The following GNB1 variants were observed in gnomAD, a reference collection of about 807,000 sequenced individuals.
GNB1 encodes the protein G protein subunit beta 1, also known as guanine nucleotide-binding protein G(I)/G(S)/G(T) subunit beta-1.
In GNB1, 2 loss-of-function variants were observed where a neutral mutation model predicts 42.9. The ratio of observed to expected loss-of-function variants is 0.05; its 90% CI spans 0.02 to 0.15. The LOEUF is 0.15. Among genes scored for constraint, GNB1 ranks in the 10% least tolerant of loss-of-function variants. The pLI, the probability that GNB1 is intolerant of heterozygous loss-of-function variation, is 1.00. For synonymous variants in GNB1, 183 were observed against 174.7 expected, an observed-to-expected ratio of 1.05 and a Z score of -0.38; for missense variants, 193 against 462.2, an observed-to-expected ratio of 0.42 and a Z score of 5.34.
chr1:1,804,481 A>G lies in GNB1; in HGVS notation c.368T>C (p.Ile123Thr). Residue 123 changes from isoleucine to threonine, a missense_variant, in exon 7 of 12, where the codon ATT becomes ACT. Ile to Thr is a moderately conservative substitution (Grantham distance 89, BLOSUM62 -1). Coordinates refer to ENST00000378609, the MANE Select transcript of GNB1 (RefSeq NM_002074.5). The stretch of plus-strand genomic sequence containing the variant: ...CCCCTCACGAGTTTTCAGATTGTAA[A>G]TGGAGCAAATGTTATCCAGGCCACC... ...ACGGLDNICS[I>T]YNLKTREGNV... 6.2e-7 allele frequency: 1 copy of G among 1,613,842 alleles called. No homozygotes were observed. Among genetic ancestry groups the G allele is most frequent in the Non-Finnish European group, 8.5e-7 (1 of 1,179,758 alleles).
intron 2 of GNB1, among the ~76,000 whole-genome samples, chr1:1,829,007 T>C (rs1647038710): frequency 6.6e-6 from 1 of 152,154 alleles, no homozygotes; most frequent in South Asian, 2.1e-4. Flanking sequence ...GGCATTTCAA[T>C]TTTTTTAAAA....
rs567600140 is a variant in GNB1, at chr1:1,886,930, G to C, written c.-96+3890C>G. Among the ~76,000 whole-genome samples the C allele has an allele frequency of 4.6e-5, 7 of 152,188 alleles. No individual in the cohort carries two copies. In the East Asian group the frequency reaches 9.7e-4, roughly 21 times the overall value. ...GGGTTTCACCGTGTTAGCCAGGGTG[G>C]TCTCGATCTCCTGACCTCATGATCC... On this transcript the variant is annotated intron_variant, in intron 1 of 11. Transcript: ENST00000378609.
chr1:1,881,693 C>T (rs1570758541), intron 1 of GNB1, among the ~76,000 whole-genome samples: 1 of 152,324 alleles, frequency 6.6e-6, no homozygotes, highest in African/African-American at 2.4e-5. Context: ...AGCCACTGTG[C>T]CCGGCCTCAA....
At chr1:1,797,868 A>C (rs1646567792) in intron 7 of GNB1, among the ~76,000 whole-genome samples, 2 of 152,336 alleles carry the variant, frequency 1.3e-5, no homozygotes, top group South Asian at 4.2e-4. Context: ...ACACACTGAA[A>C]GGCAGGCGGG....
chr1:1,822,440 C>G (rs1415985703), intron 3 of GNB1, among the ~76,000 whole-genome samples: 1 of 151,416 alleles, frequency 6.6e-6, no homozygotes. Context: ...GTAGTTGGGA[C>G]TACAGGCGCC....
rs773438465 is a variant in GNB1, at chr1:1,790,610, G to A, written c.498-14C>T. The A allele has an allele frequency of 2.1e-5, 33 of 1,591,800 alleles. No homozygotes were observed. The highest frequency in any genetic ancestry group is 2.6e-5 in the Non-Finnish European group (30 of 1,160,162). On this transcript the variant is annotated splice_polypyrimidine_tract_variant and intron_variant, in intron 8 of 11. Transcript: ENST00000378609. The surrounding 1 kb of genome is among the most constrained non-coding windows in gnomAD (Gnocchi z 5.4). ...TCCCACAGGGCACTGGAGCAGGAGC[G>A]AATGACAAGGGGACATCAGCCTTAA...
At chr1:1,882,661 G>A (rs1027123065) in intron 1 of GNB1, among the ~76,000 whole-genome samples, 8 of 152,092 alleles carry the variant, frequency 5.3e-5, no homozygotes, top group Non-Finnish European at 8.8e-5. Flanking sequence ...GGTGGCTCAC[G>A]CCTGTAATCC....
chr1:1,830,539 G>A (rs960963040), intron 2 of GNB1, among the ~76,000 whole-genome samples: 4 of 151,942 alleles, frequency 2.6e-5, no homozygotes, highest in African/African-American at 7.2e-5. Context: ...GTGAGCCACC[G>A]CGCCCAGCCT....
intron 1 of GNB1, among the ~76,000 whole-genome samples, chr1:1,858,443 C>T (rs1266525213): frequency 6.6e-6 from 1 of 152,102 alleles, no homozygotes; most frequent in Non-Finnish European, 1.5e-5. Context: ...CTGGGTTCTT[C>T]CTGGGCATCC....
At chr1:1,860,809 A>G (rs1648581143) in intron 1 of GNB1, among the ~76,000 whole-genome samples, 1 of 151,968 alleles carries the variant, frequency 6.6e-6, no homozygotes, top group Admixed American at 6.6e-5. Flanking sequence ...CTGCCCCTCC[A>G]CTTTGCAGTA....
chr1:1,837,476 G>C (rs559125967), intron 2 of GNB1, among the ~76,000 whole-genome samples: 7 of 151,512 alleles, frequency 4.6e-5, no homozygotes, highest in Non-Finnish European at 7.4e-5. Flanking sequence ...GGATGGTCTC[G>C]ATCTCTTGAC....
intron 1 of GNB1, among the ~76,000 whole-genome samples, chr1:1,880,090 C>G (rs1649758777): frequency 6.6e-6 from 1 of 151,924 alleles, no homozygotes; most frequent in Non-Finnish European, 1.5e-5. Context: ...CACCACCATG[C>G]CTGGCTAATT....
intron 1 of GNB1, among the ~76,000 whole-genome samples, chr1:1,872,980 A>C (rs1160087069): frequency 6.6e-6 from 1 of 152,148 alleles, no homozygotes; most frequent in Admixed American, 6.5e-5. Flanking sequence ...GTGATGAAAA[A>C]TGGCCACGGT....
chr1:1,864,314 CAAAAAA>C (rs1173466617), intron 1 of GNB1, among the ~76,000 whole-genome samples: 1 of 37,936 alleles, frequency 2.6e-5, no homozygotes, highest in Non-Finnish European at 4.9e-5. Context: ...AAGACTCTCT[CAAAAAA>C]AAAAAAAAAA....
chr1:1,865,090 A>C (rs1041202307), intron 1 of GNB1, among the ~76,000 whole-genome samples: 1 of 151,380 alleles, frequency 6.6e-6, no homozygotes, highest in Admixed American at 6.6e-5. Flanking sequence ...GTGAAACCTC[A>C]TCTCTACTAA....
intron 1 of GNB1, among the ~76,000 whole-genome samples, chr1:1,865,446 T>C (rs980777769): frequency 4.3e-4 from 61 of 140,836 alleles, no homozygotes; most frequent in Middle Eastern, 5.1e-3. Flanking sequence ...ATTGGCCAGG[T>C]GTGGTGGCGG....
chr1:1,866,941 G>A (rs1187631597), intron 1 of GNB1, among the ~76,000 whole-genome samples: 1 of 150,666 alleles, frequency 6.6e-6, no homozygotes, highest in Non-Finnish European at 1.5e-5. Flanking sequence ...GGCACACAGG[G>A]AGACTCCATC....
chr1:1,816,867 C>T (rs1049180892), intron 4 of GNB1, among the ~76,000 whole-genome samples: 2 of 151,904 alleles, frequency 1.3e-5, no homozygotes, highest in Non-Finnish European at 2.9e-5. Context: ...AGGCTGGTCT[C>T]GAACTCCTGA....
chr1:1,802,150 GAC>G (rs1646634707), intron 7 of GNB1, among the ~76,000 whole-genome samples: 1 of 152,124 alleles, frequency 6.6e-6, no homozygotes, highest in African/African-American at 2.4e-5. Context: ...TTCATAGAAA[GAC>G]ACAGAATATT....
Sources: allele counts gnomAD v4.1 joint callset (sites outside exome capture counted in the v4.1 genomes callset), GRCh38; gene constraint gnomAD v4.1.1; non-coding constraint Gnocchi (gnomAD v3.1); transcripts MANE v1.5; gene names NCBI Gene and HGNC (gene_info 2026-07-23, HGNC 2026-07-21).